The following TULP3 variants were observed in gnomAD, a reference collection of about 807,000 sequenced individuals.
The protein encoded by TULP3 is tubby-related protein 3.
In TULP3, 38 loss-of-function variants were observed where a neutral mutation model predicts 50.7. The observed-to-expected ratio is 0.75, with a 90% confidence interval of 0.58 to 0.98. The LOEUF is 0.98. TULP3 is among the 50% of genes least tolerant of loss of function. The pLI, the probability that TULP3 is intolerant of heterozygous loss-of-function variation, is 0.00. For missense variants in TULP3, 550 were observed against 568.0 expected, an observed-to-expected ratio of 0.97 and a Z score of 0.32; for synonymous variants, 183 against 196.6, an observed-to-expected ratio of 0.93 and a Z score of 0.58.
chr12:2,918,967 A>G (rs546209835), intron 2 of TULP3, among the ~76,000 whole-genome samples: 13 of 150,654 alleles, frequency 8.6e-5, no homozygotes, highest in Non-Finnish European at 1.9e-4. Context: ...ATCTCAGCTC[A>G]CCACAACCTC....
At chr12:2,893,327 G>GTGTTTT (rs1555110455) in intron 1 of TULP3, among the ~76,000 whole-genome samples, 1 of 128,162 alleles carries the variant, frequency 7.8e-6, no homozygotes, top group East Asian at 2.3e-4. Flanking sequence ...TGTTTAATGT[G>GTGTTTT]TTTTTTTTTT....
At chr12:2,937,978 C>A (rs1178796952) in intron 9 of TULP3, 136 bp from the exon 10 acceptor site, 16 of 1,038,046 alleles carry the variant, frequency 1.5e-5, no homozygotes, top group Admixed American at 2.8e-5. Flanking sequence ...TTAAAAAAAA[C>A]CTGTCTTCAT....
At position 2,940,482 on chromosome 12, in the gene TULP3, C is replaced by T; in HGVS notation, c.*1038C>T. 4 of 1,498,084 alleles carry T rather than the reference C, an allele frequency of 2.7e-6. No homozygotes were observed. The highest frequency in any genetic ancestry group is 3.6e-6 in the Non-Finnish European group (4 of 1,121,424). The allele number at this position is 1,498,084 out of a possible 1,614,324, so 92.8% of individuals were successfully genotyped here. On this transcript the variant is annotated 3_prime_UTR_variant, in exon 11 of 11. Transcript: ENST00000448120. ...TTTTGCTACGTTTTTTTGATTATTA[C>T]ACCCCTCCACGTATTATGTGACTCT...
chr12:2,933,640 T>TA (rs1003007730), intron 7 of TULP3, 110 bp downstream of exon 7: 577 of 511,798 alleles, frequency 1.1e-3, no homozygotes, highest in Admixed American at 2.8e-3. Flanking sequence ...GTTGTAATCT[T>TA]AAAAAAAAAG....
At position 2,935,916 on chromosome 12, in the gene TULP3, G is replaced by A. The variant is rs1293745499; in HGVS notation, c.924+1355G>A. On this transcript the variant is annotated intron_variant, in intron 8 of 10. Transcript: ENST00000448120. ...CTTAGGAGGGTCGAGGCTGCAGTGAGCCGTGATCACACCATGCACTCTAGC... is the reference window on the plus strand; with the variant it reads ...CTTAGGAGGGTCGAGGCTGCAGTGAACCGTGATCACACCATGCACTCTAGC... 3.3e-5 allele frequency among the ~76,000 whole-genome samples: 5 copies of A among 151,956 alleles called. No individual in the cohort carries two copies. In the East Asian group the frequency reaches 9.7e-4, roughly 29 times the overall value.
intron 4 of TULP3, among the ~76,000 whole-genome samples, chr12:2,925,147 G>A (rs1208138866): frequency 2.0e-5 from 3 of 151,902 alleles, no homozygotes; most frequent in African/African-American, 4.8e-5. Flanking sequence ...CAGCCTGGGC[G>A]ACGGAGCAAG....
intron 1 of TULP3, among the ~76,000 whole-genome samples, chr12:2,905,000 G>A (rs1256624825): frequency 2.0e-5 from 3 of 150,720 alleles, no homozygotes; most frequent in East Asian, 2.0e-4. Flanking sequence ...CAGGAGAATC[G>A]CTTGAATCCG....
chr12:2,892,263 C>A (rs923046153), intron 1 of TULP3, among the ~76,000 whole-genome samples: 1 of 148,652 alleles, frequency 6.7e-6, no homozygotes, highest in African/African-American at 2.5e-5. Context: ...GTTCACTGTG[C>A]TTTTTTTTTT....
chr12:2,936,971 G>A (rs920905951), intron 8 of TULP3, among the ~76,000 whole-genome samples: 11 of 151,328 alleles, frequency 7.3e-5, no homozygotes, highest in South Asian at 2.1e-4. Context: ...TTAGCCAGGC[G>A]TGGTGGCATG....
At chr12:2,935,637 C>T (rs900424076) in intron 8 of TULP3, among the ~76,000 whole-genome samples, 7 of 152,180 alleles carry the variant, frequency 4.6e-5, no homozygotes, top group Non-Finnish European at 8.8e-5. Context: ...TGACTTCACA[C>T]TTTAATGTAA....
chr12:2,935,761 C>A (rs2098200848), intron 8 of TULP3, among the ~76,000 whole-genome samples: 1 of 149,556 alleles, frequency 6.7e-6, no homozygotes, highest in Admixed American at 6.7e-5. Context: ...TCACTTGAGC[C>A]CAGGAGAGAC....
chr12:2,940,338 A>AT lies in TULP3; in HGVS notation c.*894_*895insT. The AT allele has an allele frequency of 4.3e-6, 6 of 1,380,830 alleles. No individual in the cohort carries two copies. Among genetic ancestry groups the AT allele is most frequent in the East Asian group, 2.9e-5 (1 of 34,788 alleles). 85.5% of individuals were successfully genotyped at this position (1,380,830 alleles called of 1,614,324 possible). ...AGTTTAGTTAAAAAAAAAAAAAAAA[A>AT]GGTGGCAGGAGAGGCTTTGGGGAGG... On this transcript the variant is annotated 3_prime_UTR_variant, in exon 11 of 11. Transcript: ENST00000448120.
At chr12:2,897,451 T>C (rs1010943193) in intron 1 of TULP3, among the ~76,000 whole-genome samples, 2 of 152,162 alleles carry the variant, frequency 1.3e-5, no homozygotes, top group African/African-American at 4.8e-5. Context: ...CATTCATTTG[T>C]AGTATTAAGA....
chr12:2,907,210 C>T (rs547508402), intron 1 of TULP3, among the ~76,000 whole-genome samples: 1 of 152,170 alleles, frequency 6.6e-6, no homozygotes, highest in African/African-American at 2.4e-5. Flanking sequence ...CGATGCCTCA[C>T]ACCTGTAATC....
intron 3 of TULP3, among the ~76,000 whole-genome samples, chr12:2,921,721 C>G (rs991120607): frequency 3.9e-5 from 6 of 152,100 alleles, no homozygotes; most frequent in Non-Finnish European, 8.8e-5. Flanking sequence ...TCTTAAGTTT[C>G]TGAAGTACAT....
chr12:2,918,196 C>T (rs1264449154), intron 2 of TULP3, among the ~76,000 whole-genome samples: 2 of 152,108 alleles, frequency 1.3e-5, no homozygotes, highest in African/African-American at 4.8e-5. Context: ...TCACGGCAAC[C>T]TCTGCCTCCC....
chr12:2,920,503 G>A (rs2240799), intron 2 of TULP3, among the ~76,000 whole-genome samples: 72,164 of 150,884 alleles, frequency 0.48, 17,699 homozygotes, highest in African/African-American at 0.6. Context: ...GTGAGACTCT[G>A]TCTCAAAAAA....
chr12:2,917,396 C>T (rs569828505), intron 2 of TULP3, among the ~76,000 whole-genome samples: 5 of 151,508 alleles, frequency 3.3e-5, no homozygotes, highest in Non-Finnish European at 5.9e-5. Flanking sequence ...TGCATGAACC[C>T]GTGAGGCAGA....
chr12:2,926,212 G>A (rs958882784), intron 4 of TULP3, among the ~76,000 whole-genome samples: 1 of 152,128 alleles, frequency 6.6e-6, no homozygotes, highest in Non-Finnish European at 1.5e-5. Flanking sequence ...CAATAAAAAG[G>A]GGGGGTGCCA....
Sources: gnomAD v4.1 joint callset for allele counts (sites outside exome capture counted in the v4.1 genomes callset) on GRCh38, gnomAD v4.1.1 for gene constraint, MANE v1.5 for transcripts, NCBI Gene and HGNC (gene_info 2026-07-23, HGNC 2026-07-21) for gene names.